Variants in GTF3C1 observed in about 807,000 individuals in gnomAD.
GTF3C1 encodes the protein general transcription factor 3C polypeptide 1.
Under a neutral mutation model 226.7 loss-of-function variants are expected in GTF3C1, and 57 were observed. That is an observed-to-expected ratio of 0.25 (90% CI 0.20 to 0.31). The LOEUF is 0.31. Ranked by LOEUF, GTF3C1 falls within the 10% of genes least tolerant of loss-of-function variation. GTF3C1 has a pLI of 1.00. For missense variants in GTF3C1, 2,217 were observed against 2,776.1 expected (o/e 0.80, Z 4.53); for synonymous variants, 1,090 against 1,084.8 (o/e 1.00, Z -0.09).
chr16:27,484,604 T>C (rs1316491326), intron 24 of GTF3C1, among the ~76,000 whole-genome samples: 1 of 151,842 alleles, frequency 6.6e-6, no homozygotes, highest in East Asian at 1.9e-4. Context: ...GCGCCATGTG[T>C]GACAAAGGTG....
chr16:27,492,441 G>A lies in GTF3C1; in HGVS notation c.3048C>T (p.Arg1016=). Reference sequence around the variant, plus strand: ...GGCGCCTCTCGAAGGGCCGGCTGCTGCGGGCCAGGTTGTAATGTGGGTCGC... The same window carrying A: ...GGCGCCTCTCGAAGGGCCGGCTGCTACGGGCCAGGTTGTAATGTGGGTCGC... ...TICDPHYNLA[R]SSRPFERRLY... is the part of the protein sequence containing the mutation. The change falls in exon 19 of 37, where the codon CGC becomes CGT. Residue 1016 remains arginine, a synonymous_variant. Coordinates refer to ENST00000356183, the MANE Select transcript of GTF3C1 (RefSeq NM_001520.4). This position sits in a 1 kb window ranked among gnomAD's most constrained non-coding sequence, Gnocchi z 5.0. The A allele has an allele frequency of 6.2e-7, 1 of 1,612,376 alleles. No individual in the cohort carries two copies. Among genetic ancestry groups the A allele is most frequent in the Non-Finnish European group, 8.5e-7 (1 of 1,178,402 alleles).
At position 27,495,356 on chromosome 16, in the gene GTF3C1, C is replaced by T; in HGVS notation, c.2487G>A (p.Arg829=). ...TVEKPSFISE[R]RTIKQESGRA... ...TGCCTGACTCCTGCTTTATCGTTCT[C>T]CGTTCACTGATGAAGCTTGGCTTCT... The change falls in exon 15 of 37, where the codon CGG becomes CGA. Residue 829 remains arginine (R), a synonymous_variant. Coordinates refer to ENST00000356183, the MANE Select transcript of GTF3C1 (RefSeq NM_001520.4). 1 of 1,614,194 alleles carries T rather than the reference C, an allele frequency of 6.2e-7. No individual in the cohort carries two copies.
chr16:27,531,587 T>C (rs1182020421), intron 5 of GTF3C1, among the ~76,000 whole-genome samples: 1 of 152,250 alleles, frequency 6.6e-6, no homozygotes, highest in African/African-American at 2.4e-5. Context: ...CACCATCTTA[T>C]TGTGGAACAC....
chr16:27,534,228 C>T (rs1027783575), intron 4 of GTF3C1, among the ~76,000 whole-genome samples: 6 of 152,172 alleles, frequency 3.9e-5, no homozygotes, highest in Non-Finnish European at 5.9e-5. Context: ...TACCGTGAAG[C>T]GGATGTCATG....
At position 27,494,832 on chromosome 16, in the gene GTF3C1, A is replaced by C. The variant is rs1270266916; in HGVS notation, c.2709T>G (p.Ala903=). ...PVHRDFGFGW[A]LVSDILLCLP... Reference sequence around the variant, plus strand: ...GGCAGAGGAGGATGTCGCTGACGAGAGCCCAGCCAAAGCCGAAGTCCCTGT... The same window carrying C: ...GGCAGAGGAGGATGTCGCTGACGAGCGCCCAGCCAAAGCCGAAGTCCCTGT... Residue 903 remains alanine, a synonymous_variant, in exon 16 of 37, where the codon GCT becomes GCG. Coordinates refer to ENST00000356183, the MANE Select transcript of GTF3C1 (RefSeq NM_001520.4). 1 of 1,612,246 alleles carries C rather than the reference A, an allele frequency of 6.2e-7. No homozygotes were observed. The highest frequency in any genetic ancestry group is 1.3e-5 in the African/African-American group (1 of 74,976).
intron 19 of GTF3C1, among the ~76,000 whole-genome samples, chr16:27,491,100 A>T (rs232068): frequency 6.6e-6 from 1 of 152,084 alleles, no homozygotes; most frequent in African/African-American, 2.4e-5. Context: ...TATGAAACAC[A>T]CTGTTCTAAA....
At chr16:27,494,547 C>T (rs781521860) in intron 16 of GTF3C1, among the ~76,000 whole-genome samples, 1 of 152,144 alleles carries the variant, frequency 6.6e-6, no homozygotes, top group Non-Finnish European at 1.5e-5. Context: ...ACCCATCCAC[C>T]CAATCATCTT....
In GTF3C1 at chr16:27,484,332, A is replaced by C. The variant is rs2088101999; in HGVS notation, c.3880T>G (p.Trp1294Gly). The C allele has an allele frequency of 1.9e-6, 3 of 1,610,684 alleles. No individual in the cohort carries two copies. The highest frequency in any genetic ancestry group is 2.5e-6 in the Non-Finnish European group (3 of 1,177,000). Residue 1294 changes from tryptophan to glycine, a missense_variant, in exon 25 of 37, where the codon TGG becomes GGG. By Grantham distance (184) the Trp-to-Gly change is radical. Coordinates refer to ENST00000356183, the MANE Select transcript of GTF3C1 (RefSeq NM_001520.4). The part of the protein sequence containing the change: ...NTKVKGPFVT[W>G]QVVRDILHAT... ...TGCAAAATGTCCCGTACCACCTGCCAGGTGACAAATGGGCCCTTCACCTGG... is the reference window on the plus strand; with the variant it reads ...TGCAAAATGTCCCGTACCACCTGCCCGGTGACAAATGGGCCCTTCACCTGG...
At position 27,545,264 on chromosome 16, in the gene GTF3C1, ACCGTAC is replaced by A. The variant is rs779198072; in HGVS notation, c.431+44_431+49del. On this transcript the variant is annotated intron_variant, in intron 2 of 36. Transcript: ENST00000356183. Reference sequence around the variant, plus strand: ...AGTGCTGGGATTACAGGCGTGAGCCACCGTACCCGGCCAGATTCCCAGGAATTTCTG... The same window carrying A: ...AGTGCTGGGATTACAGGCGTGAGCCACCGGCCAGATTCCCAGGAATTTCTG... The A allele has an allele frequency of 1.7e-5, 23 of 1,341,920 alleles. 1 individual carries two copies. In the South Asian group the frequency reaches 2.6e-4, roughly 15 times the overall value. 83.1% of individuals were successfully genotyped at this position (1,341,920 alleles called of 1,614,324 possible).
intron 28 of GTF3C1, 98 bp from the exon 29 acceptor site, chr16:27,476,642 G>C: frequency 1.4e-6 from 1 of 704,948 alleles, no homozygotes; most frequent in Non-Finnish European, 2.5e-6. Context: ...TCTCACAAAA[G>C]GGACACAAAT....
chr16:27,464,838 T>C lies in GTF3C1; in HGVS notation c.5356-2A>G. 1 of 1,502,946 alleles carries C rather than the reference T, an allele frequency of 6.7e-7. No homozygotes were observed. The highest frequency in any genetic ancestry group is 8.8e-7 in the Non-Finnish European group (1 of 1,134,928). The allele number at this position is 1,502,946 out of a possible 1,614,324, so 93.1% of individuals were successfully genotyped here. On this transcript the variant is annotated splice_acceptor_variant, in intron 33 of 36. Transcript: ENST00000356183. LOFTEE classifies it high-confidence loss of function. Reference sequence around the variant, plus strand: ...CACCTGATGCTGCTCCAGGAGGGCCTGGGGAGGCAGGAGACACGCGGGGTC... The same window carrying C: ...CACCTGATGCTGCTCCAGGAGGGCCCGGGGAGGCAGGAGACACGCGGGGTC...
intron 29 of GTF3C1, 143 bp downstream of exon 29, chr16:27,476,308 T>A: frequency 1.7e-6 from 1 of 578,970 alleles, no homozygotes. Context: ...GATAAAAAAA[T>A]AAAGTTGAAA....
chr16:27,529,096 C>T (rs376709526), intron 5 of GTF3C1, among the ~76,000 whole-genome samples: 14 of 152,008 alleles, frequency 9.2e-5, no homozygotes, highest in Non-Finnish European at 1.5e-4. Flanking sequence ...CACACAGATA[C>T]ACACCCCTGT....
chr16:27,482,099 C>T (rs529240373), intron 26 of GTF3C1, among the ~76,000 whole-genome samples: 1 of 152,264 alleles, frequency 6.6e-6, no homozygotes, highest in South Asian at 2.1e-4. Context: ...AAAGGCTGTC[C>T]CCTGATACAA....
rs1325382014 is a variant in GTF3C1, at chr16:27,461,558, AG to A, written c.6121del (p.Leu2041TrpfsTer12). 6.2e-7 allele frequency: 1 copy of A among 1,611,292 alleles called. No individual in the cohort carries two copies. Among genetic ancestry groups the A allele is most frequent in the Admixed American group, 1.7e-5 (1 of 60,032 alleles). On this transcript the variant is annotated frameshift_variant, in exon 37 of 37. Coordinates refer to ENST00000356183, the MANE Select transcript of GTF3C1 (RefSeq NM_001520.4). LOFTEE classifies it low-confidence loss of function (END_TRUNC). The surrounding 1 kb of genome is among the most constrained non-coding windows in gnomAD (Gnocchi z 5.3). ...PVAVLELLQGLESLGCIRKRW... is the reference protein window; with the variant it reads ...PVAVLELLQGXESLGCIRKRW... ...CTTCCGGATGCAGCCGAGGGACTCC[AG>A]GCCCTGGAGACACCAGACACACAGG... is the stretch of plus-strand genomic sequence containing the variant.
Position 27,461,266 on chromosome 16 carries a change from C to A in GTF3C1, c.*84G>T. 1 of 856,026 alleles carries A rather than the reference C, an allele frequency of 1.2e-6. No homozygotes were observed. Among genetic ancestry groups the A allele is most frequent in the Non-Finnish European group, 1.8e-6 (1 of 547,942 alleles). The allele number at this position is 856,026 out of a possible 1,614,324, so 53.0% of individuals were successfully genotyped here. The stretch of plus-strand genomic sequence containing the variant: ...GCAGGAGGCTCGGCAGACCCAAGGC[C>A]AGGGCACAGTGGGGTCTGCCGAGCA... On this transcript the variant is annotated 3_prime_UTR_variant, in exon 37 of 37. Coordinates refer to ENST00000356183, the MANE Select transcript of GTF3C1 (RefSeq NM_001520.4). The surrounding 1 kb of genome is among the most constrained non-coding windows in gnomAD (Gnocchi z 5.3).
intron 5 of GTF3C1, among the ~76,000 whole-genome samples, chr16:27,530,837 C>T (rs960262042): frequency 4.6e-5 from 7 of 152,232 alleles, no homozygotes; most frequent in African/African-American, 1.7e-4. Flanking sequence ...AGAAGCCTGC[C>T]TTTGCGCTGC....
chr16:27,524,631 T>G (rs550373905), intron 6 of GTF3C1, among the ~76,000 whole-genome samples: 1 of 152,352 alleles, frequency 6.6e-6, no homozygotes, highest in South Asian at 2.1e-4. Flanking sequence ...TTGGTTAGTT[T>G]AAATTTCCAG....
intron 5 of GTF3C1, among the ~76,000 whole-genome samples, chr16:27,529,527 C>T (rs370516188): frequency 1.3e-5 from 2 of 152,144 alleles, no homozygotes; most frequent in South Asian, 4.1e-4. Context: ...CTCATCACTC[C>T]TATTTTTGCA....
Sources: gnomAD v4.1 joint callset for allele counts (sites outside exome capture counted in the v4.1 genomes callset) on GRCh38, gnomAD v4.1.1 for gene constraint, Gnocchi (gnomAD v3.1) non-coding constraint, MANE v1.5 for transcripts, NCBI Gene and HGNC (gene_info 2026-07-23, HGNC 2026-07-21) for gene names.